The following FGF10 variants were observed in gnomAD, a reference collection of about 807,000 sequenced individuals.
The protein encoded by FGF10 is fibroblast growth factor 10, also known as FGF-10.
In FGF10, 2 loss-of-function variants were observed where a neutral mutation model predicts 19.8. The observed-to-expected ratio is 0.10, with a 90% CI of 0.04 to 0.32. The LOEUF (loss-of-function observed/expected upper bound fraction) is 0.32, where lower values mean the gene tolerates loss of function less well. Among genes scored for constraint, FGF10 ranks in the 10% least tolerant of loss-of-function variants. The pLI, the probability that FGF10 is intolerant of heterozygous loss-of-function variation, is 1.00. For missense variants in FGF10, 191 were observed against 246.3 expected, an observed-to-expected ratio of 0.78 and a Z score of 1.50; for synonymous variants, 112 against 94.0, an observed-to-expected ratio of 1.19 and a Z score of -1.10.
intron 1 of FGF10, among the ~76,000 whole-genome samples, chr5:44,326,115 C>G (rs906974258): frequency 6.6e-6 from 1 of 152,096 alleles, no homozygotes; most frequent in African/African-American, 2.4e-5. Context: ...GCTTGAGAAA[C>G]TTAATTAAAC....
At chr5:44,364,404 G>T (rs1741559307) in intron 1 of FGF10, among the ~76,000 whole-genome samples, 1 of 151,782 alleles carries the variant, frequency 6.6e-6, no homozygotes, top group Admixed American at 6.6e-5. Context: ...AATATAGTCA[G>T]ATTTTCAATT....
At chr5:44,310,368 T>G in intron 2 of FGF10, 59 bp downstream of exon 2, 1 of 1,237,798 alleles carries the variant, frequency 8.1e-7, no homozygotes, top group Non-Finnish European at 1.2e-6. Context: ...GAGGAAACTT[T>G]CCAAAACTAT....
chr5:44,333,408 G>A (rs1740781240), intron 1 of FGF10, among the ~76,000 whole-genome samples: 1 of 152,176 alleles, frequency 6.6e-6, no homozygotes, highest in South Asian at 2.1e-4. Flanking sequence ...CAACCCAGCA[G>A]TGGCATTTTG....
At chr5:44,341,349 C>A (rs17317277) in intron 1 of FGF10, among the ~76,000 whole-genome samples, 10,851 of 151,864 alleles carry the variant, frequency 0.071, 517 homozygotes, top group Middle Eastern at 0.11. Flanking sequence ...TGTAAAAAAA[C>A]TACACCACTC....
intron 1 of FGF10, among the ~76,000 whole-genome samples, chr5:44,367,519 C>T (rs1015180454): frequency 6.6e-6 from 1 of 151,962 alleles, no homozygotes; most frequent in Non-Finnish European, 1.5e-5. Context: ...GAACTGAAGC[C>T]ATACTACCTG....
intron 1 of FGF10, among the ~76,000 whole-genome samples, chr5:44,343,884 A>G (rs1415125191): frequency 1.3e-5 from 2 of 152,016 alleles, no homozygotes; most frequent in Non-Finnish European, 2.9e-5. Flanking sequence ...GTCAATTTGC[A>G]GGAAAAGAAT....
intron 1 of FGF10, among the ~76,000 whole-genome samples, chr5:44,338,161 C>G (rs1045033639): frequency 6.6e-6 from 1 of 152,130 alleles, no homozygotes; most frequent in Non-Finnish European, 1.5e-5. Context: ...ATTTTATGCT[C>G]ACAATTCTAT....
rs1202241098 is a variant in FGF10 at position 44,310,537 on chromosome 5, C to T, written c.326-7G>A. The T allele has an allele frequency of 6.3e-7, 1 of 1,591,834 alleles. No homozygotes were observed. The highest frequency in any genetic ancestry group is 1.1e-5 in the South Asian group (1 of 90,570). On this transcript the variant is annotated splice_polypyrimidine_tract_variant and splice_region_variant and intron_variant, in intron 1 of 2. Coordinates refer to ENST00000264664, the MANE Select transcript of FGF10 (RefSeq NM_004465.2). Reference sequence around the variant, plus strand: ...GATGTTATCTCCAGGATGCCTAAAACATACAATTTTAAAAGGCTAAATAAA... The same window carrying T: ...GATGTTATCTCCAGGATGCCTAAAATATACAATTTTAAAAGGCTAAATAAA...
chr5:44,366,038 G>T (rs1025044053), intron 1 of FGF10, among the ~76,000 whole-genome samples: 1 of 148,392 alleles, frequency 6.7e-6, no homozygotes, highest in Admixed American at 6.8e-5. Flanking sequence ...TTTTGAAATT[G>T]CTCTTCTATT....
intron 1 of FGF10, among the ~76,000 whole-genome samples, chr5:44,335,458 A>G (rs974604509): frequency 6.6e-6 from 1 of 152,164 alleles, no homozygotes; most frequent in African/African-American, 2.4e-5. Flanking sequence ...ACTAAACAAA[A>G]GTTCTCTTGG....
intron 1 of FGF10, among the ~76,000 whole-genome samples, chr5:44,314,544 T>C (rs886651204): frequency 6.6e-6 from 1 of 152,146 alleles, no homozygotes; most frequent in African/African-American, 2.4e-5. Context: ...ACCTTAGTAA[T>C]GGAGAAAATT....
At chr5:44,330,016 C>A (rs942561176) in intron 1 of FGF10, among the ~76,000 whole-genome samples, 3 of 152,050 alleles carry the variant, frequency 2.0e-5, no homozygotes, top group Middle Eastern at 3.2e-3. Flanking sequence ...ATAAGCTGTC[C>A]TTTTATATTT....
intron 1 of FGF10, among the ~76,000 whole-genome samples, chr5:44,380,211 T>C (rs1292908002): frequency 6.6e-6 from 1 of 152,202 alleles, no homozygotes; most frequent in Admixed American, 6.5e-5. Context: ...AATTCTTCTT[T>C]TAATAATTCT....
intron 1 of FGF10, among the ~76,000 whole-genome samples, chr5:44,339,285 C>T (rs927573821): frequency 1.3e-5 from 2 of 151,944 alleles, no homozygotes; most frequent in Non-Finnish European, 2.9e-5. Flanking sequence ...TCAGTAGTAC[C>T]AGTAAGTATA....
chr5:44,339,694 C>T (rs750857313), intron 1 of FGF10, among the ~76,000 whole-genome samples: 3 of 152,062 alleles, frequency 2.0e-5, no homozygotes, highest in East Asian at 1.9e-4. Flanking sequence ...GGCCATTTGA[C>T]CCCTATCTTT....
intron 1 of FGF10, among the ~76,000 whole-genome samples, chr5:44,382,027 T>C (rs188068340): frequency 6.6e-6 from 1 of 152,236 alleles, no homozygotes; most frequent in Non-Finnish European, 1.5e-5. Flanking sequence ...TCATTAATAA[T>C]GCACATACTG....
At chr5:44,353,818 C>T (rs545567342) in intron 1 of FGF10, among the ~76,000 whole-genome samples, 1 of 151,484 alleles carries the variant, frequency 6.6e-6, no homozygotes, top group African/African-American at 2.4e-5. Context: ...GGGGGCTCTT[C>T]TTTTCTCTGC....
chr5:44,354,850 T>C (rs1741311295), intron 1 of FGF10, among the ~76,000 whole-genome samples: 1 of 151,506 alleles, frequency 6.6e-6, no homozygotes, highest in African/African-American at 2.4e-5. Flanking sequence ...ATCCAACAAT[T>C]AGTGCACAGT....
intron 1 of FGF10, among the ~76,000 whole-genome samples, chr5:44,384,366 C>T (rs868647080): frequency 6.6e-6 from 1 of 152,146 alleles, no homozygotes; most frequent in African/African-American, 2.4e-5. Context: ...AGAGAATACA[C>T]TAACCTTGTC....
Sources: gnomAD v4.1 joint callset for allele counts (sites outside exome capture counted in the v4.1 genomes callset) on GRCh38, gnomAD v4.1.1 for gene constraint, MANE v1.5 for transcripts, NCBI Gene and HGNC (gene_info 2026-07-23, HGNC 2026-07-21) for gene names.